The following IPO11 variants were observed in gnomAD, a reference collection of about 807,000 sequenced individuals.
The protein encoded by IPO11 is importin 11.
In IPO11, 66 loss-of-function variants were observed where a neutral mutation model predicts 143.2. The ratio of observed to expected loss-of-function variants is 0.46; its 90% CI spans 0.38 to 0.57. IPO11 has a LOEUF of 0.57. Ranked by LOEUF, IPO11 falls within the 20% of genes least tolerant of loss-of-function variation. The pLI, the probability that IPO11 is intolerant of heterozygous loss-of-function variation, is 0.00. For synonymous variants in IPO11, 385 were observed against 377.8 expected (o/e 1.02, Z -0.22); for missense variants, 1,026 against 1,141.0 (o/e 0.90, Z 1.45).
chr5:62,542,545 T>C (rs940339748), intron 24 of IPO11, among the ~76,000 whole-genome samples: 4 of 152,162 alleles, frequency 2.6e-5, no homozygotes, highest in Admixed American at 6.5e-5. Flanking sequence ...ATTTTAAATA[T>C]ATTTTTTACT....
intron 27 of IPO11, among the ~76,000 whole-genome samples, chr5:62,590,841 T>C (rs1401901090): frequency 6.6e-6 from 1 of 152,158 alleles, no homozygotes; most frequent in Admixed American, 6.6e-5. Context: ...TGAGCATCCT[T>C]TTAGGATGCT....
intron 16 of IPO11, 50 bp from the exon 17 acceptor site, chr5:62,504,617 T>C (rs553293725): frequency 9.1e-7 from 1 of 1,097,816 alleles, no homozygotes. Flanking sequence ...ATATTAATGA[T>C]GTTTAGTCAT....
At chr5:62,598,435 TCTCTCTCTCTCTCTCTCTCTCTCTCTC>T (rs1745335087) in intron 28 of IPO11, among the ~76,000 whole-genome samples, 2 of 3,046 alleles carry the variant, frequency 6.6e-4, no homozygotes, top group Non-Finnish European at 1.1e-3. Flanking sequence ...TTTCTTTCTC[TCTCTCTCTCTCTCTCTCTCTCTCTCTC>T]TCTCTCTCTC....
At chr5:62,518,267 A>G (rs1742091322) in intron 20 of IPO11, among the ~76,000 whole-genome samples, 1 of 152,226 alleles carries the variant, frequency 6.6e-6, no homozygotes, top group East Asian at 1.9e-4. Context: ...AACATGGTGA[A>G]ACCCCATCTC....
At chr5:62,490,272 T>C in intron 15 of IPO11, 52 bp downstream of exon 15, 1 of 1,215,708 alleles carries the variant, frequency 8.2e-7, no homozygotes, top group Non-Finnish European at 1.1e-6. Context: ...TTATTTATTT[T>C]ATTAATGAAG....
chr5:62,512,784 C>T (rs1407195320), intron 19 of IPO11, among the ~76,000 whole-genome samples: 4 of 149,608 alleles, frequency 2.7e-5, no homozygotes, highest in Admixed American at 1.3e-4. Context: ...GTGGTGATGA[C>T]TCTTAACGCG....
chr5:62,463,151 C>G (rs555596060), intron 5 of IPO11, among the ~76,000 whole-genome samples: 32 of 152,220 alleles, frequency 2.1e-4, no homozygotes, highest in African/African-American at 7.2e-4. Flanking sequence ...AAATGATCCT[C>G]CCACCTCAGC....
At chr5:62,426,695 A>G (rs1319706314) in intron 1 of IPO11, among the ~76,000 whole-genome samples, 1 of 151,814 alleles carries the variant, frequency 6.6e-6, no homozygotes, top group Non-Finnish European at 1.5e-5. Flanking sequence ...TAAGAATGAT[A>G]ACCCCTGGAG....
intron 29 of IPO11, among the ~76,000 whole-genome samples, chr5:62,602,992 TC>T (rs1561383068): frequency 1.3e-5 from 2 of 152,144 alleles, no homozygotes; most frequent in African/African-American, 4.8e-5. Flanking sequence ...TTACTTTTCT[TC>T]CCCCAAAACA....
chr5:62,581,288 T>G lies in IPO11; in HGVS notation c.2583-10289T>G, dbSNP rs940636155. 2.6e-6 allele frequency: 4 copies of G among 1,521,926 alleles called. No individual in the cohort carries two copies. The African/African-American group carries it at 5.6e-5, about 21-fold the overall frequency. 94.3% of individuals were successfully genotyped at this position (1,521,926 alleles called of 1,614,324 possible). On this transcript the variant is annotated intron_variant, in intron 27 of 29. Transcript: ENST00000325324. Reference sequence around the variant, plus strand: ...GAAAATGAGGCACAGGTCATTCTTTTTGAACATTCTGCTTTATAACTCAAC... The same window carrying G: ...GAAAATGAGGCACAGGTCATTCTTTGTGAACATTCTGCTTTATAACTCAAC...
intron 5 of IPO11, among the ~76,000 whole-genome samples, chr5:62,453,747 C>A (rs1343906887): frequency 6.6e-6 from 1 of 152,176 alleles, no homozygotes; most frequent in African/African-American, 2.4e-5. Flanking sequence ...TGGCAATTTG[C>A]ATTTTTAACA....
At chr5:62,598,776 C>A (rs940296946) in intron 28 of IPO11, among the ~76,000 whole-genome samples, 1 of 151,492 alleles carries the variant, frequency 6.6e-6, no homozygotes, top group Admixed American at 6.6e-5. Context: ...AACTCCTGAC[C>A]TCAAGTGATC....
intron 16 of IPO11, among the ~76,000 whole-genome samples, chr5:62,499,584 T>TC: frequency 6.7e-6 from 1 of 149,350 alleles, no homozygotes. Flanking sequence ...TTTTTTTTTT[T>TC]TTTTTTTTTG....
At chr5:62,583,451 A>G (rs1052937443) in intron 27 of IPO11, among the ~76,000 whole-genome samples, 1 of 152,110 alleles carries the variant, frequency 6.6e-6, no homozygotes, top group Non-Finnish European at 1.5e-5. Flanking sequence ...ATCTATCAAA[A>G]TTTTTGCTTT....
chr5:62,488,447 C>T (rs547086030), intron 13 of IPO11, among the ~76,000 whole-genome samples: 13 of 152,190 alleles, frequency 8.5e-5, no homozygotes, highest in Non-Finnish European at 1.3e-4. Flanking sequence ...TTTTAGCAAC[C>T]GATTGAATGT....
chr5:62,472,363 G>C (rs755273455), intron 7 of IPO11, among the ~76,000 whole-genome samples: 3 of 151,892 alleles, frequency 2.0e-5, no homozygotes, highest in Middle Eastern at 3.2e-3. Flanking sequence ...GGCTGTCATC[G>C]ATATTTTGTG....
intron 16 of IPO11, among the ~76,000 whole-genome samples, chr5:62,502,713 A>C (rs182859921): frequency 6.6e-6 from 1 of 152,280 alleles, no homozygotes; most frequent in East Asian, 1.9e-4. Context: ...GGTTGAGTGC[A>C]TCTCTAGAAT....
At chr5:62,440,494 A>G in intron 2 of IPO11, among the ~76,000 whole-genome samples, 1 of 151,240 alleles carries the variant, frequency 6.6e-6, no homozygotes, top group East Asian at 2.0e-4. Context: ...AGCTGGGATT[A>G]CAGGCGCCCC....
chr5:62,456,846 C>A (rs1043303915), intron 5 of IPO11, among the ~76,000 whole-genome samples: 1 of 152,264 alleles, frequency 6.6e-6, no homozygotes, highest in African/African-American at 2.4e-5. Flanking sequence ...GTAATCCTGG[C>A]ACTTTAGGAG....
Sources: gnomAD v4.1 joint callset for allele counts (sites outside exome capture counted in the v4.1 genomes callset) on GRCh38, gnomAD v4.1.1 for gene constraint, MANE v1.5 for transcripts, NCBI Gene and HGNC (gene_info 2026-07-23, HGNC 2026-07-21) for gene names.